Variants in PDE10A observed in about 807,000 individuals in gnomAD.
PDE10A encodes the protein phosphodiesterase 10A.
In PDE10A, 39 loss-of-function variants were observed where a neutral mutation model predicts 97.7. The observed-to-expected ratio is 0.40, with a 90% CI of 0.31 to 0.52. The LOEUF (loss-of-function observed/expected upper bound fraction) is 0.52, where lower values mean the gene tolerates loss of function less well. Ranked by LOEUF, PDE10A falls within the 20% of genes least tolerant of loss-of-function variation. The probability of loss-of-function intolerance (pLI) is 0.56; values close to 1 mark genes in which losing one functional copy is unlikely to be tolerated. For synonymous variants in PDE10A, 371 were observed against 376.8 expected (o/e 0.98, Z 0.18); for missense variants, 731 against 1,047.8 (o/e 0.70, Z 4.17).
intron 1 of PDE10A, among the ~76,000 whole-genome samples, chr6:165,690,333 A>T (rs1008156371): frequency 1.3e-5 from 2 of 152,218 alleles, no homozygotes; most frequent in African/African-American, 4.8e-5. Flanking sequence ...AATAGCCTTC[A>T]GCTTTGGGCT....
chr6:165,786,381 T>C (rs954023437), intron 1 of PDE10A, among the ~76,000 whole-genome samples: 1 of 152,212 alleles, frequency 6.6e-6, no homozygotes, highest in Admixed American at 6.5e-5. Flanking sequence ...CAAATTCAGT[T>C]TGTGGACACA....
At chr6:165,420,319 C>T (rs1653418289) in intron 10 of PDE10A, among the ~76,000 whole-genome samples, 1 of 152,130 alleles carries the variant, frequency 6.6e-6, no homozygotes, top group South Asian at 2.1e-4. Flanking sequence ...CAAAGCATAA[C>T]AATTTACTAT....
chr6:165,837,214 A>T (rs1362964663), intron 1 of PDE10A, among the ~76,000 whole-genome samples: 2 of 152,144 alleles, frequency 1.3e-5, no homozygotes, highest in Non-Finnish European at 1.5e-5. Context: ...AAAAAAGAGT[A>T]ATACAAACTC....
At chr6:165,478,406 G>C (rs112378715) in intron 3 of PDE10A, among the ~76,000 whole-genome samples, 5,613 of 152,226 alleles carry the variant, frequency 0.037, 129 homozygotes, top group Middle Eastern at 0.085. Context: ...CAATGATGGG[G>C]GGGAGGGGGT....
chr6:165,893,824 A>ATTTT (rs11381418), intron 1 of PDE10A, among the ~76,000 whole-genome samples: 1 of 145,412 alleles, frequency 6.9e-6, no homozygotes, highest in Non-Finnish European at 1.5e-5. Context: ...CATTAGTGCC[A>ATTTT]TTTTTTTTTT....
At position 165,645,970 on chromosome 6, in the gene PDE10A, T is replaced by C. The variant is rs1265386170; in HGVS notation, c.865+15977A>G. ...CCTCCACTTGAGGACAATGCCCTTA[T>C]ATAAGGTAGGAAACAAGTATAAAGG... On this transcript the variant is annotated intron_variant, in intron 1 of 21. Transcript: ENST00000539869. Among the ~76,000 whole-genome samples the C allele has an allele frequency of 4.0e-5, 6 of 151,888 alleles. 1 individual carries two copies. The highest frequency in any genetic ancestry group is 1.5e-4 in the African/African-American group (6 of 41,314).
intron 1 of PDE10A, among the ~76,000 whole-genome samples, chr6:165,804,768 GGC>G (rs916405410): frequency 6.6e-6 from 1 of 152,024 alleles, no homozygotes; most frequent in Non-Finnish European, 1.5e-5. Flanking sequence ...GGGGAGCGGC[GGC>G]GGGGGACTGG....
chr6:165,801,995 C>T (rs1395438427), intron 1 of PDE10A, among the ~76,000 whole-genome samples: 2 of 152,128 alleles, frequency 1.3e-5, no homozygotes, highest in Non-Finnish European at 2.9e-5. Flanking sequence ...AATGTAAAGG[C>T]CTGGAACTTC....
At chr6:165,868,772 G>A (rs1043367894) in intron 1 of PDE10A, among the ~76,000 whole-genome samples, 1 of 151,880 alleles carries the variant, frequency 6.6e-6, no homozygotes, top group Non-Finnish European at 1.5e-5. Context: ...AATCCTCAAC[G>A]ATGTAATAGC....
Position 165,482,120 on chromosome 6 carries a change from G to A in PDE10A, c.1023+195C>T, listed in dbSNP as rs114081725. Among the ~76,000 whole-genome samples, 392 of 152,258 alleles carry A rather than the reference G, an allele frequency of 2.6e-3. 2 individuals carry two copies. The highest frequency in any genetic ancestry group is 9.2e-3 in the African/African-American group (382 of 41,552). The stretch of plus-strand genomic sequence containing the variant: ...GCCGAACAAAATGCATCTGTGTGCC[G>A]TACTCAGTCTTGAGGCCTTCAATTT... On this transcript the variant is annotated intron_variant, in intron 3 of 21. Coordinates refer to ENST00000539869, the MANE Select transcript of PDE10A (RefSeq NM_001385079.1).
intron 1 of PDE10A, among the ~76,000 whole-genome samples, chr6:165,900,851 C>T (rs1782085178): frequency 6.6e-6 from 1 of 152,224 alleles, no homozygotes; most frequent in Non-Finnish European, 1.5e-5. Context: ...GACAATTACA[C>T]AGCAAAATAT....
intron 1 of PDE10A, among the ~76,000 whole-genome samples, chr6:165,691,192 TCTCTCTCTCCCCACACACAC>T (rs1791281671): frequency 2.0e-5 from 1 of 48,830 alleles, no homozygotes; most frequent in African/African-American, 9.7e-5. Flanking sequence ...TCTCTCCCTC[TCTCTCTCTCCCCACACACAC>T]ACACACACAC....
intron 13 of PDE10A, among the ~76,000 whole-genome samples, chr6:165,411,322 GATAGGGCCTTTA>G (rs1363809674): frequency 6.6e-6 from 1 of 151,976 alleles, no homozygotes; most frequent in Non-Finnish European, 1.5e-5. Context: ...TGTATTTAGA[GATAGGGCCTTTA>G]AAGAGGTAAC....
At chr6:165,535,161 A>C (rs1672731273) in intron 2 of PDE10A, among the ~76,000 whole-genome samples, 1 of 151,950 alleles carries the variant, frequency 6.6e-6, no homozygotes, top group Non-Finnish European at 1.5e-5. Flanking sequence ...AAACAATCTA[A>C]AAATGAAATC....
At chr6:165,387,844 C>T (rs1785414626) in intron 17 of PDE10A, among the ~76,000 whole-genome samples, 1 of 152,142 alleles carries the variant, frequency 6.6e-6, no homozygotes, top group South Asian at 2.1e-4. Context: ...TGATTGTCTA[C>T]ATCAATTACC....
chr6:165,613,146 T>C (rs1284257762), intron 1 of PDE10A, among the ~76,000 whole-genome samples: 1 of 152,214 alleles, frequency 6.6e-6, no homozygotes, highest in Non-Finnish European at 1.5e-5. Flanking sequence ...TTGAATTACA[T>C]GATAAAACAA....
In PDE10A at chr6:165,919,149, T is replaced by C. The variant is rs564345221; in HGVS notation, c.-615+68380A>G. ...GCTTTGTCAACAAGCCAAGCCGGTT[T>C]CATGCCTTCACGGAATTCTTCCGAG... On this transcript the variant is annotated intron_variant, in intron 1 of 19. Coordinates refer to the PDE10A transcript ENST00000366882. 5.4e-4 allele frequency among the ~76,000 whole-genome samples: 83 copies of C among 152,330 alleles called. 1 individual carries two copies. The South Asian group carries it at 6.2e-3, about 11-fold the overall frequency.
rs192529591 is a variant in PDE10A at position 165,828,805 on chromosome 6, T to C, written c.-615+158724A>G. Reference sequence around the variant, plus strand: ...CCCACCCTAAATGTCCCATCAGAGTTCTGTTCTCTTCCTGCCCTCAAACCT... The same window carrying C: ...CCCACCCTAAATGTCCCATCAGAGTCCTGTTCTCTTCCTGCCCTCAAACCT... On this transcript the variant is annotated intron_variant, in intron 1 of 19. Coordinates refer to the PDE10A transcript ENST00000366882. Among the ~76,000 whole-genome samples the C allele has an allele frequency of 7.1e-4, 108 of 152,274 alleles. 1 individual carries two copies. Among genetic ancestry groups the C allele is most frequent in the African/African-American group, 2.5e-3 (104 of 41,552 alleles).
chr6:165,644,977 A>G (rs1460876320), intron 1 of PDE10A, among the ~76,000 whole-genome samples: 1 of 152,242 alleles, frequency 6.6e-6, no homozygotes, highest in Admixed American at 6.5e-5. Flanking sequence ...TAGAATAAAG[A>G]ACATAAACGT....
Sources: allele counts gnomAD v4.1 joint callset (sites outside exome capture counted in the v4.1 genomes callset), GRCh38; gene constraint gnomAD v4.1.1; transcripts MANE v1.5; gene names NCBI Gene and HGNC (gene_info 2026-07-23, HGNC 2026-07-21).